The following CHCHD6 variants were observed in gnomAD, a reference collection of about 807,000 sequenced individuals.
CHCHD6 encodes MICOS complex subunit MIC25.
CHCHD6 carries 28 observed loss-of-function variants against 32.3 expected under a neutral mutation model. The observed-to-expected ratio is 0.87, with a 90% confidence interval of 0.64 to 1.19. CHCHD6 has a LOEUF of 1.19. CHCHD6 is among the 50% of genes most tolerant of loss of function. The probability of loss-of-function intolerance (pLI) is 0.00; values close to 1 mark genes in which losing one functional copy is unlikely to be tolerated. For synonymous variants in CHCHD6, 122 were observed against 117.5 expected, an observed-to-expected ratio of 1.04 and a Z score of -0.25; for missense variants, 333 against 307.0, an observed-to-expected ratio of 1.08 and a Z score of -0.63.
At chr3:126,798,997 T>C (rs895965002) in intron 4 of CHCHD6, among the ~76,000 whole-genome samples, 2 of 152,232 alleles carry the variant, frequency 1.3e-5, no homozygotes, top group African/African-American at 4.8e-5. Flanking sequence ...CAAGAAGCTG[T>C]CTATGCCCTC....
chr3:126,779,082 C>T (rs1394574827), intron 4 of CHCHD6, among the ~76,000 whole-genome samples: 2 of 152,040 alleles, frequency 1.3e-5, no homozygotes, highest in Non-Finnish European at 2.9e-5. Context: ...TCCAGTTTAC[C>T]TACTTTTTAT....
chr3:126,728,016 G>A (rs1935616839), intron 2 of CHCHD6, among the ~76,000 whole-genome samples: 1 of 151,538 alleles, frequency 6.6e-6, no homozygotes, highest in Non-Finnish European at 1.5e-5. Flanking sequence ...TGCCACCACG[G>A]AAGGACCGAC....
intron 5 of CHCHD6, among the ~76,000 whole-genome samples, chr3:126,896,618 A>C (rs553384421): frequency 1.3e-5 from 2 of 152,324 alleles, no homozygotes; most frequent in African/African-American, 4.8e-5. Flanking sequence ...CCCAAAGGAA[A>C]TCTGCTTGGC....
chr3:126,865,308 C>T (rs147474976), intron 5 of CHCHD6, among the ~76,000 whole-genome samples: 25 of 151,934 alleles, frequency 1.6e-4, no homozygotes, highest in African/African-American at 6.0e-4. Context: ...TTACCAACTA[C>T]ACCTCTACCA....
intron 4 of CHCHD6, among the ~76,000 whole-genome samples, chr3:126,739,032 T>A (rs1036913533): frequency 1.3e-5 from 2 of 152,196 alleles, no homozygotes; most frequent in African/African-American, 4.8e-5. Context: ...TTTAGAAGTT[T>A]AGTGATCTGG....
chr3:126,772,377 C>T (rs1313996480), intron 4 of CHCHD6, among the ~76,000 whole-genome samples: 4 of 152,140 alleles, frequency 2.6e-5, no homozygotes, highest in African/African-American at 7.2e-5. Context: ...GAATTACAGG[C>T]GTGATCATAG....
intron 6 of CHCHD6, among the ~76,000 whole-genome samples, chr3:126,953,518 C>T (rs1406458951): frequency 1.3e-5 from 2 of 152,204 alleles, no homozygotes; most frequent in African/African-American, 4.8e-5. Context: ...CCACTCCAGA[C>T]CCTGGCCCCA....
At chr3:126,874,835 T>A (rs1452013340) in intron 5 of CHCHD6, among the ~76,000 whole-genome samples, 1 of 152,198 alleles carries the variant, frequency 6.6e-6, no homozygotes, top group Non-Finnish European at 1.5e-5. Context: ...CCTTATGGTC[T>A]GTCCTTCACG....
chr3:126,945,555 G>C, intron 6 of CHCHD6, among the ~76,000 whole-genome samples: 1 of 145,056 alleles, frequency 6.9e-6, no homozygotes, highest in East Asian at 2.1e-4. Context: ...GGGACGGGGA[G>C]ACTCAGTGTA....
intron 5 of CHCHD6, among the ~76,000 whole-genome samples, chr3:126,913,088 C>T (rs1246423422): frequency 1.3e-5 from 2 of 152,122 alleles, no homozygotes; most frequent in African/African-American, 4.8e-5. Flanking sequence ...AAAGTTCCTT[C>T]ACTGCCACAC....
At chr3:126,792,967 T>G (rs1211532991) in intron 4 of CHCHD6, among the ~76,000 whole-genome samples, 1 of 152,188 alleles carries the variant, frequency 6.6e-6, no homozygotes, top group Non-Finnish European at 1.5e-5. Context: ...GGCAAGGAAT[T>G]GACCCTTTTA....
At chr3:126,786,745 T>G (rs943841427) in intron 4 of CHCHD6, among the ~76,000 whole-genome samples, 3 of 152,332 alleles carry the variant, frequency 2.0e-5, no homozygotes, top group South Asian at 2.1e-4. Context: ...GATGAGTAGA[T>G]TGCAAAAATT....
In CHCHD6 at chr3:126,787,178, G is replaced by A. The variant is rs1463384015; in HGVS notation, c.411+53956G>A. Among the ~76,000 whole-genome samples the A allele has an allele frequency of 2.0e-5, 3 of 152,136 alleles. No homozygotes were observed. The East Asian group carries it at 5.8e-4, about 29-fold the overall frequency. On this transcript the variant is annotated intron_variant, in intron 4 of 7. Coordinates refer to ENST00000290913, the MANE Select transcript of CHCHD6 (RefSeq NM_032343.3). ...CTGAGGGCTCTGTTCTGTTCCATTG[G>A]TCTGTATCTCTGTTTTGTTACCAGT...
At chr3:126,862,299 C>T (rs1435950925) in intron 5 of CHCHD6, among the ~76,000 whole-genome samples, 4 of 137,384 alleles carry the variant, frequency 2.9e-5, no homozygotes, top group Non-Finnish European at 3.2e-5. Context: ...CCTCCTCCTC[C>T]TCCTCTACCA....
chr3:126,783,804 G>T (rs980452301), intron 4 of CHCHD6, among the ~76,000 whole-genome samples: 4 of 152,100 alleles, frequency 2.6e-5, no homozygotes, highest in Non-Finnish European at 5.9e-5. Flanking sequence ...GAGAGGTGCA[G>T]CTTGGGGCCA....
chr3:126,764,332 C>T (rs1226998083), intron 4 of CHCHD6, among the ~76,000 whole-genome samples: 1 of 151,828 alleles, frequency 6.6e-6, no homozygotes, highest in African/African-American at 2.4e-5. Flanking sequence ...ATTCTTTGTC[C>T]TGAGCTGGAA....
chr3:126,824,560 CA>C (rs71150454), intron 4 of CHCHD6, among the ~76,000 whole-genome samples: 446 of 39,980 alleles, frequency 0.011, 13 homozygotes, highest in African/African-American at 0.057. Flanking sequence ...GACTCTGTCT[CA>C]AAAAAAAAAA....
At chr3:126,886,039 G>A (rs1208659309) in intron 5 of CHCHD6, among the ~76,000 whole-genome samples, 1 of 152,200 alleles carries the variant, frequency 6.6e-6, no homozygotes, top group Non-Finnish European at 1.5e-5. Flanking sequence ...AAGGTCTCCC[G>A]TGGGAATGAT....
intron 4 of CHCHD6, among the ~76,000 whole-genome samples, chr3:126,750,743 A>G (rs1446208022): frequency 6.6e-6 from 1 of 152,248 alleles, no homozygotes; most frequent in Non-Finnish European, 1.5e-5. Context: ...TTTTGCAATG[A>G]GCCTGAACTT....
Sources: allele counts gnomAD v4.1 joint callset (sites outside exome capture counted in the v4.1 genomes callset), GRCh38; gene constraint gnomAD v4.1.1; transcripts MANE v1.5; gene names NCBI Gene and HGNC (gene_info 2026-07-23, HGNC 2026-07-21).